The following RNF150 variants were observed in gnomAD, a reference collection of about 807,000 sequenced individuals.
The protein encoded by RNF150 is ring finger protein 150.
A neutral mutation model predicts 39.3 loss-of-function variants in RNF150; 24 were observed. The observed-to-expected ratio is 0.61, with a 90% CI of 0.44 to 0.86. The LOEUF (loss-of-function observed/expected upper bound fraction) is 0.86. Among genes scored for constraint, RNF150 ranks in the 40% least tolerant of loss-of-function variants. The pLI, the probability that RNF150 is intolerant of heterozygous loss-of-function variation, is 0.00. For synonymous variants in RNF150, 255 were observed against 227.3 expected (o/e 1.12, Z -1.10); for missense variants, 502 against 587.8 (o/e 0.85, Z 1.51).
chr4:141,024,473 CAG>C (rs1387364249), intron 1 of RNF150, among the ~76,000 whole-genome samples: 1 of 152,134 alleles, frequency 6.6e-6, no homozygotes, highest in African/African-American at 2.4e-5. Flanking sequence ...ACAAACATCT[CAG>C]GGGGATATAC....
chr4:141,189,566 G>C (rs770025391), intron 1 of RNF150, among the ~76,000 whole-genome samples: 13 of 152,268 alleles, frequency 8.5e-5, no homozygotes, highest in Admixed American at 2.6e-4. Flanking sequence ...TCTGACTGGG[G>C]CTGCTGCATT....
At chr4:141,181,704 CAG>C (rs1395088740) in intron 1 of RNF150, among the ~76,000 whole-genome samples, 2 of 152,108 alleles carry the variant, frequency 1.3e-5, no homozygotes, top group Non-Finnish European at 2.9e-5. Flanking sequence ...CTCAATTAAA[CAG>C]AGTTTAGTGT....
intron 1 of RNF150, among the ~76,000 whole-genome samples, chr4:140,998,723 G>A (rs943700137): frequency 1.4e-4 from 22 of 152,236 alleles, no homozygotes; most frequent in African/African-American, 5.3e-4. Context: ...GGAGTCCAGG[G>A]TCCTAGTTCC....
chr4:141,203,939 G>A (rs752646669), intron 1 of RNF150, among the ~76,000 whole-genome samples: 1 of 152,048 alleles, frequency 6.6e-6, no homozygotes, highest in Admixed American at 6.6e-5. Context: ...GGAAAGATGA[G>A]TAGGACCCAG....
intron 1 of RNF150, among the ~76,000 whole-genome samples, chr4:141,172,073 C>T (rs1216189743): frequency 6.6e-6 from 1 of 152,114 alleles, no homozygotes; most frequent in East Asian, 1.9e-4. Flanking sequence ...AGAAAAGCAC[C>T]ACAAAATTTC....
chr4:141,027,931 T>TG (rs1735778692), intron 1 of RNF150, among the ~76,000 whole-genome samples: 2 of 84,664 alleles, frequency 2.4e-5, no homozygotes, highest in South Asian at 8.3e-4. Flanking sequence ...TTTTTGTTTT[T>TG]TTTTTTTTTT....
intron 1 of RNF150, among the ~76,000 whole-genome samples, chr4:141,080,139 CCT>C (rs369412236): frequency 1.7e-4 from 26 of 152,294 alleles, no homozygotes; most frequent in African/African-American, 5.3e-4. Flanking sequence ...TGAAAGAAAA[CCT>C]CTTCCTAGGG....
intron 5 of RNF150, among the ~76,000 whole-genome samples, chr4:140,916,148 C>G (rs936752232): frequency 3.9e-5 from 6 of 152,162 alleles, no homozygotes; most frequent in African/African-American, 1.4e-4. Flanking sequence ...CTCTCCTCCT[C>G]CAAAAGAATG....
At chr4:140,948,009 A>G (rs914086568) in intron 3 of RNF150, among the ~76,000 whole-genome samples, 2 of 152,242 alleles carry the variant, frequency 1.3e-5, no homozygotes, top group Non-Finnish European at 2.9e-5. Flanking sequence ...TAGAGGCAAC[A>G]TATCAAAATT....
chr4:141,157,963 C>T (rs138274924), intron 1 of RNF150, among the ~76,000 whole-genome samples: 1 of 152,300 alleles, frequency 6.6e-6, no homozygotes, highest in Non-Finnish European at 1.5e-5. Context: ...GCTCAGAACT[C>T]TATACATATT....
intron 1 of RNF150, among the ~76,000 whole-genome samples, chr4:141,083,221 C>G (rs912622853): frequency 6.6e-6 from 1 of 152,166 alleles, no homozygotes; most frequent in Non-Finnish European, 1.5e-5. Flanking sequence ...CCCAGAAACT[C>G]AAAAAGCACA....
intron 2 of RNF150, among the ~76,000 whole-genome samples, chr4:140,966,174 A>C (rs1440767302): frequency 2.0e-5 from 3 of 151,926 alleles, no homozygotes; most frequent in African/African-American, 7.2e-5. Context: ...ACCTCTACTG[A>C]AAAAACAAAA....
chr4:141,153,682 T>C (rs895613766), intron 1 of RNF150, among the ~76,000 whole-genome samples: 1 of 152,204 alleles, frequency 6.6e-6, no homozygotes, highest in Non-Finnish European at 1.5e-5. Flanking sequence ...GTAGATGATA[T>C]AGTAGGTTTC....
chr4:141,167,774 C>T (rs1727628829), intron 1 of RNF150, among the ~76,000 whole-genome samples: 1 of 152,134 alleles, frequency 6.6e-6, no homozygotes, highest in Non-Finnish European at 1.5e-5. Flanking sequence ...CTTCTTTACA[C>T]CTTATACAAA....
chr4:140,937,766 C>T (rs984510850), intron 4 of RNF150, among the ~76,000 whole-genome samples: 1 of 151,572 alleles, frequency 6.6e-6, no homozygotes, highest in African/African-American at 2.4e-5. Context: ...CTTCTTTATA[C>T]TTTTCTCTGT....
intron 1 of RNF150, among the ~76,000 whole-genome samples, chr4:141,171,888 C>A (rs1254020376): frequency 2.6e-5 from 4 of 152,196 alleles, no homozygotes; most frequent in Non-Finnish European, 5.9e-5. Context: ...CACCAGTGAG[C>A]ATCGTGCCTG....
In RNF150 at chr4:140,966,072, C is replaced by T. The variant is rs555569448; in HGVS notation, c.735+1551G>A. On this transcript the variant is annotated intron_variant, in intron 2 of 6. Transcript: ENST00000515673. ...TTAATACACCAGGTGTAGTGGCTCACGCCTGTAATCCCAGCACTTTGGGAG... is the reference window on the plus strand; with the variant it reads ...TTAATACACCAGGTGTAGTGGCTCATGCCTGTAATCCCAGCACTTTGGGAG... Among the ~76,000 whole-genome samples the T allele has an allele frequency of 1.0e-3, 157 of 152,142 alleles. 1 individual carries two copies. The South Asian group carries it at 0.017, about 16-fold the overall frequency.
chr4:140,993,416 T>C (rs1190330405), intron 1 of RNF150, among the ~76,000 whole-genome samples: 1 of 152,218 alleles, frequency 6.6e-6, no homozygotes, highest in Non-Finnish European at 1.5e-5. Flanking sequence ...GATCTCAACT[T>C]AATCACATCT....
At chr4:140,993,418 A>G (rs1019593281) in intron 1 of RNF150, among the ~76,000 whole-genome samples, 3 of 152,158 alleles carry the variant, frequency 2.0e-5, no homozygotes, top group Admixed American at 6.5e-5. Context: ...TCTCAACTTA[A>G]TCACATCTGG....
Sources: gnomAD v4.1 joint callset for allele counts (sites outside exome capture counted in the v4.1 genomes callset) on GRCh38, gnomAD v4.1.1 for gene constraint, MANE v1.5 for transcripts, NCBI Gene and HGNC (gene_info 2026-07-23, HGNC 2026-07-21) for gene names.